UQCC1: variants seen among roughly 807,000 people sequenced by gnomAD.
UQCC1 encodes bFGF-repressed Zic-binding protein.
A neutral mutation model predicts 48.0 loss-of-function variants in UQCC1; 38 were observed. The ratio of observed to expected loss-of-function variants is 0.79; its 90% CI spans 0.61 to 1.04. The LOEUF (loss-of-function observed/expected upper bound fraction) is 1.04. Among genes scored for constraint, UQCC1 ranks in the 50% least tolerant of loss-of-function variants. The probability of loss-of-function intolerance (pLI) is 0.00; values close to 1 mark genes in which losing one functional copy is unlikely to be tolerated. For synonymous variants in UQCC1, 111 were observed against 129.2 expected (o/e 0.86, Z 0.95); for missense variants, 368 against 381.8 (o/e 0.96, Z 0.30).
At chr20:35,364,752 A>G (rs535502503) in intron 6 of UQCC1, among the ~76,000 whole-genome samples, 3 of 152,370 alleles carry the variant, frequency 2.0e-5, no homozygotes, top group South Asian at 4.1e-4. Context: ...TTAAAGAACT[A>G]TAAGTAGTTT....
intron 2 of UQCC1, among the ~76,000 whole-genome samples, chr20:35,392,740 G>A (rs1208811901): frequency 1.3e-5 from 2 of 152,040 alleles, no homozygotes; most frequent in Non-Finnish European, 2.9e-5. Flanking sequence ...AAAAAAGCAA[G>A]ATGTCCTCAG....
intron 5 of UQCC1, among the ~76,000 whole-genome samples, chr20:35,373,217 TG>T (rs1233056819): frequency 6.6e-5 from 10 of 152,194 alleles, no homozygotes; most frequent in Admixed American, 4.6e-4. Flanking sequence ...AAAACCCTTT[TG>T]GAAAGCAATT....
At chr20:35,342,352 ACACTTTGAGC>A (rs2061390428) in intron 7 of UQCC1, among the ~76,000 whole-genome samples, 1 of 152,208 alleles carries the variant, frequency 6.6e-6, no homozygotes, top group African/African-American at 2.4e-5. Context: ...GTTACCATTA[ACACTTTGAGC>A]CACTGCCGTG....
chr20:35,330,060 CA>C (rs1232814402), intron 7 of UQCC1, among the ~76,000 whole-genome samples: 2 of 152,214 alleles, frequency 1.3e-5, no homozygotes, highest in Non-Finnish European at 2.9e-5. Context: ...ATTCACCATT[CA>C]ACCAATATTG....
intron 8 of UQCC1, among the ~76,000 whole-genome samples, chr20:35,308,714 CTTTGT>C (rs748466461): frequency 1.3e-5 from 2 of 152,158 alleles, no homozygotes; most frequent in South Asian, 2.1e-4. Flanking sequence ...ATTTGCTTTG[CTTTGT>C]TTTGTTTTGT....
At chr20:35,366,459 G>T in intron 6 of UQCC1, 98 bp downstream of exon 6, 1 of 1,009,236 alleles carries the variant, frequency 9.9e-7, no homozygotes, top group Non-Finnish European at 1.5e-6. Context: ...CTGAACAACT[G>T]CCATTTCATA....
At chr20:35,325,940 G>A (rs1471453739) in intron 7 of UQCC1, among the ~76,000 whole-genome samples, 1 of 152,130 alleles carries the variant, frequency 6.6e-6, no homozygotes, top group East Asian at 1.9e-4. Flanking sequence ...GAGCTGGAAG[G>A]GCAGTTTGTG....
intron 7 of UQCC1, among the ~76,000 whole-genome samples, chr20:35,343,368 G>A (rs2061401385): frequency 1.3e-5 from 2 of 152,042 alleles, no homozygotes; most frequent in Admixed American, 1.3e-4. Context: ...GTGAGAACCA[G>A]GCCAGACTGG....
chr20:35,390,833 G>A (rs182500115), intron 2 of UQCC1, among the ~76,000 whole-genome samples: 1 of 152,246 alleles, frequency 6.6e-6, no homozygotes, highest in African/African-American at 2.4e-5. Flanking sequence ...GATGCACTGA[G>A]AAGGGAATAA....
intron 5 of UQCC1, among the ~76,000 whole-genome samples, chr20:35,367,128 A>G (rs565848753): frequency 1.4e-5 from 2 of 147,334 alleles, no homozygotes; most frequent in Non-Finnish European, 3.0e-5. Context: ...AAAACAACCC[A>G]TTGAATTTAG....
intron 1 of UQCC1, 134 bp downstream of exon 1, chr20:35,411,806 G>A (rs2062369960): frequency 1.6e-6 from 2 of 1,215,482 alleles, no homozygotes; most frequent in South Asian, 1.2e-5. Context: ...GTTTCCCCAC[G>A]GAAAAGCGGC....
chr20:35,342,858 A>T (rs2061395798), intron 7 of UQCC1, among the ~76,000 whole-genome samples: 1 of 152,196 alleles, frequency 6.6e-6, no homozygotes, highest in Non-Finnish European at 1.5e-5. Flanking sequence ...CAAATTTAAC[A>T]CCTGCTTTTT....
At chr20:35,367,439 G>A (rs554295727) in intron 5 of UQCC1, among the ~76,000 whole-genome samples, 8 of 152,142 alleles carry the variant, frequency 5.3e-5, no homozygotes, top group Non-Finnish European at 8.8e-5. Context: ...CTATGGATAT[G>A]GGTGTGCTAA....
intron 1 of UQCC1, among the ~76,000 whole-genome samples, chr20:35,410,704 C>CAAAAAAAAA (rs1183843739): frequency 0.082 from 221 of 2,704 alleles, 66 homozygotes; most frequent in East Asian, 0.25. Context: ...GACTCTGCCT[C>CAAAAAAAAA]AAAAAAAAAA....
intron 6 of UQCC1, among the ~76,000 whole-genome samples, chr20:35,359,729 C>A (rs1237930153): frequency 1.3e-5 from 2 of 152,202 alleles, no homozygotes; most frequent in Non-Finnish European, 2.9e-5. Flanking sequence ...AGGGGACTTT[C>A]ACACAGCATG....
In UQCC1 at chr20:35,302,864, T is replaced by C. The variant is rs2060886058; in HGVS notation, c.*1071A>G. The C allele has an allele frequency of 6.6e-6, 1 of 152,228 alleles. No individual in the cohort carries two copies. Among genetic ancestry groups the C allele is most frequent in the Non-Finnish European group, 1.5e-5 (1 of 68,040 alleles). 9.4% of individuals were successfully genotyped at this position (152,228 alleles called of 1,614,324 possible). On this transcript the variant is annotated 3_prime_UTR_variant, in exon 10 of 10. Coordinates refer to ENST00000374385, the MANE Select transcript of UQCC1 (RefSeq NM_018244.5). ...ATATAGAGTTTCTTTATATGACTCATTTTATAGCAAGTTAAATGAAGGAAG... is the reference window on the plus strand; with the variant it reads ...ATATAGAGTTTCTTTATATGACTCACTTTATAGCAAGTTAAATGAAGGAAG...
intron 6 of UQCC1, among the ~76,000 whole-genome samples, chr20:35,352,765 C>T (rs1242330753): frequency 6.6e-6 from 1 of 152,134 alleles, no homozygotes; most frequent in Non-Finnish European, 1.5e-5. Context: ...TCACTGTAAC[C>T]TCAAACTCTT....
At chr20:35,311,378 A>G (rs539482191) in intron 8 of UQCC1, among the ~76,000 whole-genome samples, 2 of 152,218 alleles carry the variant, frequency 1.3e-5, no homozygotes, top group Non-Finnish European at 2.9e-5. Flanking sequence ...GCGCTGTCCA[A>G]TAGAACTTTT....
chr20:35,408,669 T>C lies in UQCC1; in HGVS notation c.24+3271A>G, dbSNP rs6120938. 8.8e-3 allele frequency among the ~76,000 whole-genome samples: 1,312 copies of C among 149,646 alleles called. 23 individuals are homozygous for C. Among genetic ancestry groups the C allele is most frequent in the African/African-American group, 0.03 (1,237 of 40,592 alleles). On this transcript the variant is annotated intron_variant, in intron 1 of 9. Coordinates refer to ENST00000374385, the MANE Select transcript of UQCC1 (RefSeq NM_018244.5). ...GAGTTCAAGGCCAGCCTGGGCAACA[T>C]AAGGAGACCCCATCTCTACAAAAAA...
Sources: allele counts gnomAD v4.1 joint callset (sites outside exome capture counted in the v4.1 genomes callset), GRCh38; gene constraint gnomAD v4.1.1; transcripts MANE v1.5; gene names NCBI Gene and HGNC (gene_info 2026-07-23, HGNC 2026-07-21).